Variants in AQR observed in about 807,000 individuals in gnomAD.
The protein encoded by AQR is RNA helicase aquarius.
AQR carries 61 observed loss-of-function variants against 180.5 expected under a neutral mutation model. That is an observed-to-expected ratio of 0.34 (90% confidence interval 0.28 to 0.42). The LOEUF is 0.42. Among genes scored for constraint, AQR ranks in the 10% least tolerant of loss-of-function variants. The probability of loss-of-function intolerance (pLI) is 1.00; values close to 1 mark genes in which losing one functional copy is unlikely to be tolerated. For synonymous variants in AQR, 551 were observed against 588.8 expected, an observed-to-expected ratio of 0.94 and a Z score of 0.93; for missense variants, 1,281 against 1,798.3, an observed-to-expected ratio of 0.71 and a Z score of 5.20.
At chr15:34,951,626 G>A (rs1003289528) in intron 4 of AQR, among the ~76,000 whole-genome samples, 4 of 150,066 alleles carry the variant, frequency 2.7e-5, no homozygotes, top group African/African-American at 4.9e-5. Context: ...AGCCGAGATC[G>A]TGCCACTGCA....
intron 5 of AQR, 38 bp from the exon 6 acceptor site, chr15:34,944,466 T>A (rs773962731): frequency 5.1e-6 from 8 of 1,560,602 alleles, no homozygotes; most frequent in Non-Finnish European, 6.9e-6. Flanking sequence ...TTGTATTGGC[T>A]TGCTCACTTA....
chr15:34,892,219 T>A (rs1319315111), intron 23 of AQR, among the ~76,000 whole-genome samples: 3 of 152,178 alleles, frequency 2.0e-5, no homozygotes, highest in African/African-American at 7.2e-5. Flanking sequence ...TACTTGTTCT[T>A]CCCTCATTTC....
chr15:34,957,258 G>A (rs940714976), intron 3 of AQR, among the ~76,000 whole-genome samples: 2 of 152,044 alleles, frequency 1.3e-5, no homozygotes, highest in Non-Finnish European at 1.5e-5. Context: ...CCGGGTTCAA[G>A]CGATTCTCCT....
Position 34,969,707 on chromosome 15 carries a change from C to A in AQR, c.-94G>T, listed in dbSNP as rs544352069. On this transcript the variant is annotated 5_prime_UTR_variant, in exon 1 of 35. Coordinates refer to ENST00000156471, the MANE Select transcript of AQR (RefSeq NM_014691.3). ...CTTCCCTTAAGTTACTGCCGGGGCG[C>A]TTAACTCCGCGCCGCACAAACGCTC... 2,040 of 1,284,172 alleles carry A rather than the reference C, an allele frequency of 1.6e-3. 2 individuals are homozygous for A. Among genetic ancestry groups the A allele is most frequent in the Non-Finnish European group, 2.0e-3 (1,883 of 939,912 alleles). The allele number at this position is 1,284,172 out of a possible 1,614,324, so 79.5% of individuals were successfully genotyped here.
At chr15:34,870,226 G>T (rs901919463) in intron 31 of AQR, 5 of 151,990 alleles carry the variant, frequency 3.3e-5, no homozygotes, top group Non-Finnish European at 7.4e-5. Flanking sequence ...CATAGCCAAA[G>T]TCCTAATTTT....
At chr15:34,964,364 G>C in intron 1 of AQR, 74 bp from the exon 2 acceptor site, 1 of 1,254,190 alleles carries the variant, frequency 8.0e-7, no homozygotes, top group Non-Finnish European at 1.2e-6. Context: ...ATCATTTAGT[G>C]ATAAGCGGTT....
chr15:34,859,571 C>T (rs930085521), intron 34 of AQR, among the ~76,000 whole-genome samples: 2 of 152,136 alleles, frequency 1.3e-5, no homozygotes, highest in Non-Finnish European at 2.9e-5. Context: ...AGTACAAAGA[C>T]TTGTATAAGC....
chr15:34,961,180 G>A (rs951466025), intron 2 of AQR, among the ~76,000 whole-genome samples: 2 of 152,070 alleles, frequency 1.3e-5, no homozygotes, highest in African/African-American at 4.8e-5. Flanking sequence ...AAAACCCAGA[G>A]AGAAAATAAT....
chr15:34,889,251 C>T (rs1450585037), intron 24 of AQR, among the ~76,000 whole-genome samples: 2 of 152,214 alleles, frequency 1.3e-5, no homozygotes, highest in Non-Finnish European at 2.9e-5. Context: ...TAACTTATGG[C>T]ATGTTGTTCT....
chr15:34,909,478 C>G (rs774272612), intron 17 of AQR, among the ~76,000 whole-genome samples: 1 of 152,206 alleles, frequency 6.6e-6, no homozygotes, highest in Non-Finnish European at 1.5e-5. Context: ...GGAGGAATAA[C>G]TCCTTTAATT....
chr15:34,934,760 A>C, intron 9 of AQR, 125 bp from the exon 10 acceptor site: 1 of 532,286 alleles, frequency 1.9e-6, no homozygotes, highest in South Asian at 4.1e-5. Flanking sequence ...TCAGAATTGG[A>C]CTATGATTTA....
chr15:34,933,036 C>T (rs1438167094), intron 10 of AQR, among the ~76,000 whole-genome samples: 1 of 152,168 alleles, frequency 6.6e-6, no homozygotes, highest in African/African-American at 2.4e-5. Context: ...CAAAATCCTA[C>T]ATAAAATCCC....
chr15:34,862,063 C>T (rs745329568), intron 33 of AQR, among the ~76,000 whole-genome samples: 7 of 151,628 alleles, frequency 4.6e-5, no homozygotes, highest in Non-Finnish European at 7.4e-5. Context: ...TAAGGATAAA[C>T]GTGAAACTAA....
intron 5 of AQR, among the ~76,000 whole-genome samples, chr15:34,946,132 A>AAC (rs1894109335): frequency 6.6e-6 from 1 of 152,114 alleles, no homozygotes; most frequent in South Asian, 2.1e-4. Flanking sequence ...TTAGCTGGGC[A>AAC]TGGTGGCGGG....
intron 19 of AQR, among the ~76,000 whole-genome samples, chr15:34,902,629 T>C (rs1242736103): frequency 6.6e-6 from 1 of 152,110 alleles, no homozygotes; most frequent in Non-Finnish European, 1.5e-5. Flanking sequence ...ATAAGCTTCA[T>C]CTTAGCACAA....
At position 34,884,500 on chromosome 15, in the gene AQR, G is replaced by A. The variant is rs74648949; in HGVS notation, c.3027+25C>T. 3.5e-4 allele frequency: 532 copies of A among 1,517,010 alleles called. 3 individuals carry two copies. The African/African-American group carries it at 6.6e-3, about 19-fold the overall frequency. The allele number at this position is 1,517,010 out of a possible 1,614,324, so 94.0% of individuals were successfully genotyped here. A position where few individuals can be genotyped will look rare whatever the true frequency, so the allele number is the denominator to read the frequency against. On this transcript the variant is annotated intron_variant, in intron 26 of 34. Transcript: ENST00000156471. ...CTAAATTAAAAACCACTAAAGGGAA[G>A]TTCAAAGAACTTGAGAATCCTTACC...
At chr15:34,906,474 C>A (rs370762755) in intron 18 of AQR, 71 bp downstream of exon 18, 1 of 1,545,984 alleles carries the variant, frequency 6.5e-7, no homozygotes, top group African/African-American at 1.4e-5. Context: ...ACCTAAGAAG[C>A]AAAAAGGGAA....
intron 34 of AQR, 57 bp downstream of exon 34, chr15:34,859,985 A>C: frequency 1.0e-6 from 1 of 965,472 alleles, no homozygotes; most frequent in Non-Finnish European, 1.4e-6. Flanking sequence ...TTTATTCTGA[A>C]AAAAAGAAAA....
At chr15:34,965,138 C>G (rs1166707834) in intron 1 of AQR, among the ~76,000 whole-genome samples, 4 of 152,146 alleles carry the variant, frequency 2.6e-5, no homozygotes, top group Non-Finnish European at 4.4e-5. Flanking sequence ...ATTGCTTTCT[C>G]CTTCTCTTCA....
Sources: allele counts gnomAD v4.1 joint callset (sites outside exome capture counted in the v4.1 genomes callset), GRCh38; gene constraint gnomAD v4.1.1; transcripts MANE v1.5; gene names NCBI Gene and HGNC (gene_info 2026-07-23, HGNC 2026-07-21).